Variants in PTGIS observed in about 807,000 individuals in gnomAD.
PTGIS encodes the protein prostacyclin synthase.
PTGIS carries 45 observed loss-of-function variants against 50.3 expected under a neutral mutation model. The observed-to-expected ratio is 0.90, with a 90% confidence interval of 0.70 to 1.15. The LOEUF (loss-of-function observed/expected upper bound fraction) is 1.15. PTGIS is among the 50% of genes most tolerant of loss of function. PTGIS has a pLI of 0.00. For missense variants in PTGIS, 668 were observed against 661.3 expected (o/e 1.01, Z -0.11); for synonymous variants, 260 against 267.7 (o/e 0.97, Z 0.28).
intron 1 of PTGIS, among the ~76,000 whole-genome samples, chr20:49,554,987 T>C (rs1387257783): frequency 1.3e-5 from 2 of 152,190 alleles, no homozygotes; most frequent in African/African-American, 4.8e-5. Flanking sequence ...TAAAGGTTTT[T>C]AGGCCAGGTG....
intron 4 of PTGIS, among the ~76,000 whole-genome samples, chr20:49,541,007 T>C (rs1482901776): frequency 6.6e-6 from 1 of 152,180 alleles, no homozygotes. Flanking sequence ...GAGGCCTGCG[T>C]GGTCCCTGCT....
At position 49,568,078 on chromosome 20, in the gene PTGIS, C is replaced by A; in HGVS notation, c.39G>T (p.Leu13=). 1 of 1,445,310 alleles carries A rather than the reference C, an allele frequency of 6.9e-7. No homozygotes were observed. The highest frequency in any genetic ancestry group is 2.4e-5 in the Admixed American group (1 of 41,016). The allele number at this position is 1,445,310 out of a possible 1,614,324, so 89.5% of individuals were successfully genotyped here. A position where few individuals can be genotyped will look rare whatever the true frequency, so the allele number is the denominator to read the frequency against. The change falls in exon 1 of 10, where the codon CTG becomes CTT. Residue 13 remains leucine, a synonymous_variant. Coordinates refer to ENST00000244043, the MANE Select transcript of PTGIS (RefSeq NM_000961.4). ...WAALLGLLAA[L]LLLLLLSRRR... ...GGCGGCTCAGTAGCAGCAGCAGCAA[C>A]AGTGCGGCCAGGAGGCCGAGGAGCG...
Position 49,568,118 on chromosome 20 carries a change from G to A in PTGIS, c.-2C>T, listed in dbSNP as rs1174344483. 1.1e-6 allele frequency: 1 copy of A among 930,902 alleles called. No homozygotes were observed. The highest frequency in any genetic ancestry group is 2.6e-5 in the South Asian group (1 of 38,368). The allele number at this position is 930,902 out of a possible 1,614,324, so 57.7% of individuals were successfully genotyped here. A position where few individuals can be genotyped will look rare whatever the true frequency, so the allele number is the denominator to read the frequency against. On this transcript the variant is annotated 5_prime_UTR_variant, in exon 1 of 10. Coordinates refer to ENST00000244043, the MANE Select transcript of PTGIS (RefSeq NM_000961.4). ...GCCGAGGAGCGCGGCCCAAGCCATC[G>A]CGGGGCTGGCGGGGCTGGCGGGGCT...
At chr20:49,539,805 A>T (rs1429883228) in intron 4 of PTGIS, 84 bp from the exon 5 acceptor site, 2 of 1,507,728 alleles carry the variant, frequency 1.3e-6, no homozygotes, top group Non-Finnish European at 1.8e-6. Context: ...TCATTCATAC[A>T]CCCAGTGAGC....
In PTGIS at chr20:49,540,139, C is replaced by G. The variant is rs551581730; in HGVS notation, c.522-418G>C. 2.0e-5 allele frequency among the ~76,000 whole-genome samples: 3 copies of G among 152,154 alleles called. No individual in the cohort carries two copies. The East Asian group carries it at 5.8e-4, about 30-fold the overall frequency. ...GGAGGGGTAGGAAGCAGAGCAAGCA[C>G]CAGGTGTGATGTCCTGGGGCAGGAG... On this transcript the variant is annotated intron_variant, in intron 4 of 9. Coordinates refer to ENST00000244043, the MANE Select transcript of PTGIS (RefSeq NM_000961.4). This position sits in a 1 kb window ranked among gnomAD's most constrained non-coding sequence, Gnocchi z 4.8.
intron 1 of PTGIS, among the ~76,000 whole-genome samples, chr20:49,554,000 T>G (rs542585422): frequency 6.6e-6 from 1 of 152,310 alleles, no homozygotes; most frequent in South Asian, 2.1e-4. Flanking sequence ...TTCTAGAGAT[T>G]GGGTTTTGAT....
At chr20:49,508,119 C>G in intron 9 of PTGIS, 55 bp from the exon 10 acceptor site, 1 of 1,601,814 alleles carries the variant, frequency 6.2e-7, no homozygotes, top group South Asian at 1.1e-5. Context: ...AGGGGGTTAT[C>G]GGGAACAAGG....
rs1981311664 is a variant in PTGIS at position 49,511,182 on chromosome 20, G to T, written c.1207-3C>A. On this transcript the variant is annotated splice_region_variant and splice_polypyrimidine_tract_variant and intron_variant, in intron 8 of 9. Coordinates refer to ENST00000244043, the MANE Select transcript of PTGIS (RefSeq NM_000961.4). ...AGGAATCGGTTGTATTTAAATACCT[G>T]AAATAGGAAGAAGGTCCTTTTCTGA... 1.2e-6 allele frequency: 2 copies of T among 1,614,058 alleles called. No individual in the cohort carries two copies. The highest frequency in any genetic ancestry group is 1.7e-6 in the Non-Finnish European group (2 of 1,180,028).
At chr20:49,559,664 A>G (rs1982715385) in intron 1 of PTGIS, among the ~76,000 whole-genome samples, 1 of 152,088 alleles carries the variant, frequency 6.6e-6, no homozygotes, top group East Asian at 1.9e-4. Flanking sequence ...GGTGAACCTT[A>G]AAAACATTAA....
At position 49,547,842 on chromosome 20, in the gene PTGIS, G is replaced by GTT; in HGVS notation, c.374_375dup (p.Leu126AsnfsTer2). On this transcript the variant is annotated frameshift_variant and splice_region_variant, in exon 3 of 10. Coordinates refer to ENST00000244043, the MANE Select transcript of PTGIS (RefSeq NM_000961.4). LOFTEE classifies it high-confidence loss of function. ...CAGGTGCCATCTCCAGCCACTCACA[G>GTT]TTTCATCCTGGCCTTTTCATCACTG... 6.2e-7 allele frequency: 1 copy of GTT among 1,614,096 alleles called. No individual in the cohort carries two copies. Among genetic ancestry groups the GTT allele is most frequent in the Non-Finnish European group, 8.5e-7 (1 of 1,180,008 alleles).
intron 9 of PTGIS, among the ~76,000 whole-genome samples, chr20:49,509,231 G>A (rs373406822): frequency 6.6e-6 from 1 of 152,318 alleles, no homozygotes; most frequent in South Asian, 2.1e-4. Context: ...AAGGGATGGC[G>A]GTTTTGTGCC....
intron 5 of PTGIS, among the ~76,000 whole-genome samples, chr20:49,528,013 A>G (rs140590960): frequency 0.014 from 2,193 of 152,070 alleles, 52 homozygotes; most frequent in African/African-American, 0.05. Flanking sequence ...GGTGGCAGGC[A>G]CCTGTAATCC....
At chr20:49,567,473 G>A (rs561174072) in intron 1 of PTGIS, among the ~76,000 whole-genome samples, 19 of 152,282 alleles carry the variant, frequency 1.2e-4, no homozygotes, top group African/African-American at 4.3e-4. Flanking sequence ...GGAATCCCGG[G>A]GTGGGTGGTT....
At chr20:49,529,125 C>T (rs566562261) in intron 5 of PTGIS, among the ~76,000 whole-genome samples, 5 of 152,274 alleles carry the variant, frequency 3.3e-5, no homozygotes, top group East Asian at 3.9e-4. Flanking sequence ...CACACTCACA[C>T]GTGCATGCAT....
chr20:49,519,933 G>GCTCCTCTCTGAGAGGAGGCTCGTCAGAGC (rs552739720), intron 6 of PTGIS, among the ~76,000 whole-genome samples: 1 of 151,614 alleles, frequency 6.6e-6, no homozygotes, highest in African/African-American at 2.4e-5. Flanking sequence ...GGATCCTGCT[G>GCTCCTCTCTGAGAGGAGGCTCGTCAGAGC]CTCCTCTCTG....
chr20:49,564,472 C>T (rs1248431354), intron 1 of PTGIS, among the ~76,000 whole-genome samples: 2 of 152,096 alleles, frequency 1.3e-5, no homozygotes, highest in Non-Finnish European at 2.9e-5. Context: ...AGGATGGTCT[C>T]GATCTCCTGA....
In PTGIS at chr20:49,547,960, C is replaced by T. The variant is rs5621; in HGVS notation, c.258G>A (p.Val86=). The part of the protein sequence containing the change: ...VLLDPHSYDA[V]VWEPRTRLDF... ...CGAGCCTGGTGCGAGGCTCCCACACCACCGCGTCGTAGGAGTGTGGGTCCA... is the reference window on the plus strand; with the variant it reads ...CGAGCCTGGTGCGAGGCTCCCACACTACCGCGTCGTAGGAGTGTGGGTCCA... The change falls in exon 3 of 10, where the codon GTG becomes GTA. Residue 86 remains valine (V), a synonymous_variant. Transcript: ENST00000244043. The T allele has an allele frequency of 3.7e-6, 6 of 1,613,998 alleles. No individual in the cohort carries two copies. The South Asian group carries it at 4.4e-5, about 12-fold the overall frequency.
chr20:49,524,231 C>CCTTGT lies in PTGIS; in HGVS notation c.677_681dup (p.Asp228ThrfsTer110), dbSNP rs763200601. On this transcript the variant is annotated frameshift_variant, in exon 6 of 10. Coordinates refer to ENST00000244043, the MANE Select transcript of PTGIS (RefSeq NM_000961.4). LOFTEE classifies it high-confidence loss of function. ...CGACTTTTGACACTGCACATGTGGT[C>CCTTGT]CTTGTCCCCTGCAGGGACAGAGCAC... The CCTTGT allele has an allele frequency of 4.8e-5, 78 of 1,614,128 alleles. No individual in the cohort carries two copies. In the Middle Eastern group the frequency reaches 8.2e-4, roughly 17 times the overall value.
At chr20:49,550,037 A>G in intron 2 of PTGIS, 29 bp downstream of exon 2, 5 of 1,614,100 alleles carry the variant, frequency 3.1e-6, no homozygotes, top group Non-Finnish European at 4.2e-6. Context: ...GCTCATCCCC[A>G]TCCCTCCCGA....
Sources: allele counts gnomAD v4.1 joint callset (sites outside exome capture counted in the v4.1 genomes callset), GRCh38; gene constraint gnomAD v4.1.1; non-coding constraint Gnocchi (gnomAD v3.1); transcripts MANE v1.5; gene names NCBI Gene and HGNC (gene_info 2026-07-23, HGNC 2026-07-21).